Variants in LRP2 observed in about 807,000 individuals in gnomAD.
LRP2 encodes the protein low-density lipoprotein receptor-related protein 2.
Under a neutral mutation model 531.0 loss-of-function variants are expected in LRP2, and 172 were observed. That is an observed-to-expected ratio of 0.32 (90% CI 0.29 to 0.37). LRP2 has a LOEUF of 0.37. LRP2 is among the 10% of genes least tolerant of loss of function. The pLI is 1.00. For synonymous variants in LRP2, 1,992 were observed against 2,027.6 expected, an observed-to-expected ratio of 0.98 and a Z score of 0.47; for missense variants, 5,167 against 5,868.3, an observed-to-expected ratio of 0.88 and a Z score of 3.90.
At position 169,156,295 on chromosome 2, in the gene LRP2, C is replaced by A; in HGVS notation, c.12130G>T (p.Gly4044Ter). Residue 4044 changes from glycine to a stop codon, truncating the protein, a stop_gained, in exon 65 of 79, where the codon GGA becomes TGA. Coordinates refer to ENST00000649046, the MANE Select transcript of LRP2 (RefSeq NM_004525.3). LOFTEE classifies it high-confidence loss of function. Reference sequence around the variant, plus strand: ...ATACCCTCAGCTGCACATCGTTTTCCAGGGCGGTCACTCATAGACGTGAAG... The same window carrying A: ...ATACCCTCAGCTGCACATCGTTTTCAAGGGCGGTCACTCATAGACGTGAAG... ...DGFTSMSDRP[G>*]KRCAAEGSSP... The A allele has an allele frequency of 6.2e-7, 1 of 1,613,712 alleles. No individual in the cohort carries two copies. The highest frequency in any genetic ancestry group is 8.5e-7 in the Non-Finnish European group (1 of 1,179,708).
At chr2:169,282,311 A>G (rs1179112857) in intron 10 of LRP2, among the ~76,000 whole-genome samples, 2 of 152,158 alleles carry the variant, frequency 1.3e-5, no homozygotes, top group Non-Finnish European at 2.9e-5. Flanking sequence ...TGGAGCCCTC[A>G]TCTATTTTTT....
Position 169,139,325 on chromosome 2 carries a change from T to C in LRP2, c.13314A>G (p.Gly4438=), listed in dbSNP as rs1168177666. The change falls in exon 74 of 79, where the codon GGA becomes GGG. Residue 4438 remains glycine (G), a synonymous_variant. Coordinates refer to ENST00000649046, the MANE Select transcript of LRP2 (RefSeq NM_004525.3). The part of the protein sequence containing the change: ...LLTILLIVVI[G]ALAIAGFFHY... ...GGAAGAATCCTGCAATTGCCAGAGCTCCAATTACGACGATCAAGAGGATTG... is the reference window on the plus strand; with the variant it reads ...GGAAGAATCCTGCAATTGCCAGAGCCCCAATTACGACGATCAAGAGGATTG... 1 of 1,614,098 alleles carries C rather than the reference T, an allele frequency of 6.2e-7. No individual in the cohort carries two copies. Among genetic ancestry groups the C allele is most frequent in the Admixed American group, 1.7e-5 (1 of 60,020 alleles).
chr2:169,208,257 CA>C (rs1375306719), intron 38 of LRP2, among the ~76,000 whole-genome samples: 2 of 152,164 alleles, frequency 1.3e-5, no homozygotes, highest in African/African-American at 4.8e-5. Context: ...AAACAGGCAA[CA>C]GGCTGCATTT....
chr2:169,319,022 C>G, intron 2 of LRP2, 138 bp from the exon 3 acceptor site: 1 of 1,079,428 alleles, frequency 9.3e-7, no homozygotes, highest in Non-Finnish European at 1.4e-6. Context: ...AACCCTTATA[C>G]TAGAGTCTGT....
At chr2:169,131,073 T>C (rs76726667) in intron 77 of LRP2, among the ~76,000 whole-genome samples, 2,236 of 152,216 alleles carry the variant, frequency 0.015, 49 homozygotes, top group African/African-American at 0.051. Context: ...GGCACTAGCT[T>C]GGGGTTGACT....
intron 34 of LRP2, 40 bp from the exon 35 acceptor site, chr2:169,216,470 G>T: frequency 1.9e-6 from 3 of 1,602,224 alleles, no homozygotes; most frequent in Non-Finnish European, 1.7e-6. Context: ...CAAAACAGAA[G>T]GTGGATTTGA....
intron 49 of LRP2, among the ~76,000 whole-genome samples, chr2:169,186,578 C>A (rs1266992263): frequency 6.6e-6 from 1 of 152,204 alleles, no homozygotes; most frequent in South Asian, 2.1e-4. Context: ...CATCAAGGAG[C>A]AATAGATTAA....
Position 169,245,273 on chromosome 2 carries a change from C to T in LRP2, c.3191-341G>A, listed in dbSNP as rs143085044. Among the ~76,000 whole-genome samples the T allele has an allele frequency of 2.4e-4, 37 of 152,284 alleles. 1 individual carries two copies. The highest frequency in any genetic ancestry group is 7.5e-4 in the African/African-American group (31 of 41,546). On this transcript the variant is annotated intron_variant, in intron 21 of 78. Transcript: ENST00000649046. ...GATTTAGGAACCTGCCTATGATTCA[C>T]GCTCTGGTTGGATTCACTCTAAAGC...
Position 169,185,831 on chromosome 2 carries a change from A to G in LRP2, c.9517T>C (p.Ser3173Pro). 4 of 1,613,980 alleles carry G rather than the reference A, an allele frequency of 2.5e-6. No homozygotes were observed. The highest frequency in any genetic ancestry group is 3.4e-6 in the Non-Finnish European group (4 of 1,179,992). Residue 3173 changes from serine to proline, a missense_variant, in exon 50 of 79, where the codon TCC (serine) becomes CCC (proline). Ser to Pro is a moderately conservative substitution (Grantham distance 74). Coordinates refer to ENST00000649046, the MANE Select transcript of LRP2 (RefSeq NM_004525.3). ...CCTGGGGCACACTTACAGATGTAGG[A>G]GCCTATTACATTCTCACACTTCTGG... ...CSQKCENVIGSYICKCAPGYL... is the reference protein window; with the variant it reads ...CSQKCENVIGPYICKCAPGYL...
chr2:169,192,401 C>T (rs1687862012), intron 47 of LRP2, among the ~76,000 whole-genome samples: 3 of 152,188 alleles, frequency 2.0e-5, no homozygotes, highest in South Asian at 2.1e-4. Context: ...AAAGTATAAT[C>T]ACACAAGCAC....
chr2:169,334,470 G>A (rs925336916), intron 1 of LRP2, among the ~76,000 whole-genome samples: 3 of 152,268 alleles, frequency 2.0e-5, no homozygotes, highest in African/African-American at 7.2e-5. Context: ...TTACAGTCTT[G>A]GATGAGTATG....
chr2:169,138,721 C>A lies in LRP2; in HGVS notation c.13389-15G>T, dbSNP rs751555557. The A allele has an allele frequency of 6.2e-7, 1 of 1,613,652 alleles. No homozygotes were observed. The highest frequency in any genetic ancestry group is 2.2e-5 in the East Asian group (1 of 44,858). ...GACTGCTTAAGCTGGAAAGAAGTAACCAAAACAGTGTCTTGTTATTTAAAA... is the reference window on the plus strand; with the variant it reads ...GACTGCTTAAGCTGGAAAGAAGTAAACAAAACAGTGTCTTGTTATTTAAAA... On this transcript the variant is annotated splice_polypyrimidine_tract_variant and intron_variant, in intron 74 of 78. Transcript: ENST00000649046.
chr2:169,220,899 G>T (rs763657779), intron 33 of LRP2, among the ~76,000 whole-genome samples: 3 of 152,062 alleles, frequency 2.0e-5, no homozygotes, highest in African/African-American at 4.8e-5. Flanking sequence ...AAATCCTTCA[G>T]GAGAGCTAAG....
intron 70 of LRP2, among the ~76,000 whole-genome samples, chr2:169,143,231 T>A (rs1432008984): frequency 6.6e-6 from 1 of 152,232 alleles, no homozygotes; most frequent in African/African-American, 2.4e-5. Flanking sequence ...GTATACTGGA[T>A]GTGATTTCCA....
At chr2:169,174,880 T>C (rs1265983668) in intron 55 of LRP2, among the ~76,000 whole-genome samples, 1 of 142,236 alleles carries the variant, frequency 7.0e-6, no homozygotes, top group East Asian at 2.0e-4. Flanking sequence ...CTGTTAAAAA[T>C]GGGGGTGGAA....
chr2:169,147,162 T>C (rs1685945490), intron 68 of LRP2, among the ~76,000 whole-genome samples: 1 of 152,210 alleles, frequency 6.6e-6, no homozygotes, highest in Non-Finnish European at 1.5e-5. Flanking sequence ...TCTTGAAAAC[T>C]GCACCTCCTT....
intron 42 of LRP2, among the ~76,000 whole-genome samples, chr2:169,203,283 A>G (rs1218570892): frequency 6.6e-6 from 1 of 152,238 alleles, no homozygotes; most frequent in African/African-American, 2.4e-5. Context: ...ACAATGAAGC[A>G]CATATGATCC....
At chr2:169,275,444 C>A (rs1175534817) in intron 13 of LRP2, 7 of 559,908 alleles carry the variant, frequency 1.3e-5, no homozygotes, top group Non-Finnish European at 2.2e-5. Context: ...TTGGAAAAGA[C>A]CCTTGAGACT....
Position 169,156,266 on chromosome 2 carries a change from C to T in LRP2, c.12151+8G>A. ...AAGTCAATTAATCCCAACATGAACC[C>T]ATCATACCCTCAGCTGCACATCGTT... is the stretch of plus-strand genomic sequence containing the variant. On this transcript the variant is annotated splice_region_variant and intron_variant, in intron 65 of 78. Coordinates refer to ENST00000649046, the MANE Select transcript of LRP2 (RefSeq NM_004525.3). 1 of 1,613,508 alleles carries T rather than the reference C, an allele frequency of 6.2e-7. No homozygotes were observed. The highest frequency in any genetic ancestry group is 2.2e-5 in the East Asian group (1 of 44,880).
Sources: allele counts gnomAD v4.1 joint callset (sites outside exome capture counted in the v4.1 genomes callset), GRCh38; gene constraint gnomAD v4.1.1; transcripts MANE v1.5; gene names NCBI Gene and HGNC (gene_info 2026-07-23, HGNC 2026-07-21).